The following NDUFAF7 variants were observed in gnomAD, a reference collection of about 807,000 sequenced individuals.
The protein encoded by NDUFAF7 is NADH:ubiquinone oxidoreductase complex assembly factor 7, also known as protein arginine methyltransferase NDUFAF7, mitochondrial.
A neutral mutation model predicts 47.2 loss-of-function variants in NDUFAF7; 48 were observed. The observed-to-expected ratio is 1.02, with a 90% CI of 0.81 to 1.29. The LOEUF (loss-of-function observed/expected upper bound fraction) is 1.29, where lower values mean the gene tolerates loss of function less well. NDUFAF7 is among the 50% of genes most tolerant of loss of function. NDUFAF7 has a pLI of 0.00. For synonymous variants in NDUFAF7, 217 were observed against 190.0 expected, an observed-to-expected ratio of 1.14 and a Z score of -1.17; for missense variants, 635 against 537.6, an observed-to-expected ratio of 1.18 and a Z score of -1.79.
At chr2:37,262,412 T>C in the NDUFAF7 span, among the ~76,000 whole-genome samples, 1 of 152,222 alleles carries the variant, frequency 6.6e-6, no homozygotes. Context: ...GTAGGTGTTT[T>C]CAAAAATGTT....
the NDUFAF7 span, among the ~76,000 whole-genome samples, chr2:37,260,937 G>C: frequency 1.3e-5 from 2 of 152,162 alleles, no homozygotes; most frequent in Non-Finnish European, 2.9e-5. Context: ...GATACACAAA[G>C]ATGAATGCCA....
At position 37,231,695 on chromosome 2, in the gene NDUFAF7, C is replaced by G. The variant is rs770930117; in HGVS notation, c.-11C>G. ...GCTCCTGGCGGAGCGAGCTAGCCTG[C>G]GAATTTCAGCATGAGTGTACTGCTG... On this transcript the variant is annotated 5_prime_UTR_variant, in exon 1 of 10. Transcript: ENST00000002125. 6.8e-6 allele frequency: 11 copies of G among 1,614,202 alleles called. No homozygotes were observed. The highest frequency in any genetic ancestry group is 9.3e-6 in the Non-Finnish European group (11 of 1,180,028).
chr2:37,238,794 A>G (rs976020290), intron 4 of NDUFAF7, among the ~76,000 whole-genome samples: 3 of 152,044 alleles, frequency 2.0e-5, no homozygotes, highest in Admixed American at 6.6e-5. Flanking sequence ...AGTTAGAATT[A>G]TTTAAATAAC....
chr2:37,245,177 G>A (rs932889505), intron 7 of NDUFAF7, among the ~76,000 whole-genome samples: 1 of 152,192 alleles, frequency 6.6e-6, no homozygotes, highest in Non-Finnish European at 1.5e-5. Flanking sequence ...TAAGTAACTT[G>A]TCTACCAGTA....
intron 7 of NDUFAF7, among the ~76,000 whole-genome samples, chr2:37,244,533 A>G (rs937136193): frequency 2.6e-5 from 4 of 151,858 alleles, no homozygotes; most frequent in African/African-American, 4.8e-5. Context: ...TCAAGGAATC[A>G]TTGCAAGAGC....
Position 37,248,249 on chromosome 2 carries a change from C to T in NDUFAF7, c.1225C>T (p.Pro409Ser), listed in dbSNP as rs1667131713. The T allele has an allele frequency of 1.2e-6, 2 of 1,613,844 alleles. No individual in the cohort carries two copies. The highest frequency in any genetic ancestry group is 2.7e-5 in the African/African-American group (2 of 74,884). Residue 409 changes from proline (P) to serine (S), a missense_variant, in exon 10 of 10, where the codon CCT (proline) becomes TCT (serine). Transcript: ENST00000002125. ...GAGATTTAACTTTTTTGCCTTGCTA[C>T]CTCATCAGAGACTTCAAGGTGGAAG... ...GERFNFFALL[P>S]HQRLQGGRYQ...
chr2:37,261,992 C>A, the NDUFAF7 span, among the ~76,000 whole-genome samples: 1 of 151,914 alleles, frequency 6.6e-6, no homozygotes, highest in African/African-American at 2.4e-5. Context: ...ATGATTTTGC[C>A]CAACTGTAGG....
At chr2:37,264,204 G>T in the NDUFAF7 span, among the ~76,000 whole-genome samples, 9 of 152,044 alleles carry the variant, frequency 5.9e-5, no homozygotes, top group African/African-American at 4.8e-5. Flanking sequence ...ACTGTATATA[G>T]ACATACATAA....
At chr2:37,255,568 G>C (rs890615489), downstream of NDUFAF7, among the ~76,000 whole-genome samples, 1 of 152,162 alleles carries the variant, frequency 6.6e-6, no homozygotes, top group Non-Finnish European at 1.5e-5. Context: ...AGGTCCACAG[G>C]AGAGAGGAAA....
At chr2:37,255,053 T>G (rs566888519), downstream of NDUFAF7, among the ~76,000 whole-genome samples, 37 of 152,362 alleles carry the variant, frequency 2.4e-4, 1 homozygote, top group South Asian at 6.2e-4. Flanking sequence ...GAAAGACTTG[T>G]ACCATCCTAG....
the NDUFAF7 span, among the ~76,000 whole-genome samples, chr2:37,265,284 T>C: frequency 1.1e-3 from 161 of 152,276 alleles, 2 homozygotes; most frequent in African/African-American, 3.2e-3. Context: ...TTCCAACCCA[T>C]GTGAAAAAGT....
chr2:37,238,949 A>G (rs1376086459), intron 4 of NDUFAF7, among the ~76,000 whole-genome samples: 4 of 151,516 alleles, frequency 2.6e-5, no homozygotes, highest in Non-Finnish European at 5.9e-5. Flanking sequence ...AGTCAGGAAG[A>G]TGAAAATTAA....
downstream of NDUFAF7, chr2:37,252,557 AATCAC>A (rs1667579965): frequency 2.0e-5 from 3 of 152,262 alleles, no homozygotes; most frequent in South Asian, 6.2e-4. Flanking sequence ...AAAGGTTAGG[AATCAC>A]TATTTTGGAG....
chr2:37,238,875 A>G (rs1420796385), intron 4 of NDUFAF7, among the ~76,000 whole-genome samples: 2 of 151,056 alleles, frequency 1.3e-5, no homozygotes, highest in East Asian at 1.9e-4. Flanking sequence ...GTCCATTCAT[A>G]AAAGAGGAAA....
Position 37,238,165 on chromosome 2 carries a change from C to T in NDUFAF7, c.408+298C>T, listed in dbSNP as rs145976995. Among the ~76,000 whole-genome samples, 12 of 152,236 alleles carry T rather than the reference C, an allele frequency of 7.9e-5. 1 individual carries two copies. The highest frequency in any genetic ancestry group is 1.9e-4 in the African/African-American group (8 of 41,546). On this transcript the variant is annotated intron_variant, in intron 4 of 9. Transcript: ENST00000002125. ...AATTATATTAAAAGTTTAGGCCAGGCATGGTGGCTCAATCCTAGCACTTTG... is the reference window on the plus strand; with the variant it reads ...AATTATATTAAAAGTTTAGGCCAGGTATGGTGGCTCAATCCTAGCACTTTG...
chr2:37,260,393 A>T, the NDUFAF7 span: 2 of 1,606,312 alleles, frequency 1.2e-6, no homozygotes, highest in South Asian at 2.2e-5. Context: ...TTCTGAAGAG[A>T]GGTTGCAAGA....
chr2:37,237,940 G>A (rs1211740324), intron 4 of NDUFAF7, 73 bp downstream of exon 4: 1 of 1,034,750 alleles, frequency 9.7e-7, no homozygotes, highest in Admixed American at 1.9e-5. Flanking sequence ...AAACCATGTT[G>A]ATTTCATTGG....
At position 37,248,225 on chromosome 2, in the gene NDUFAF7, A is replaced by G. The variant is rs376638836; in HGVS notation, c.1201A>G (p.Arg401Gly). The G allele has an allele frequency of 6.6e-5, 106 of 1,613,888 alleles. 1 individual carries two copies. The highest frequency in any genetic ancestry group is 6.0e-4 in the East Asian group (27 of 44,868). The change falls in exon 10 of 10, where the codon AGA becomes GGA. Residue 401 changes from arginine to glycine, a missense_variant. Transcript: ENST00000002125. ...MLMNPKKMGE[R>G]FNFFALLPHQ... Reference sequence around the variant, plus strand: ...AATGAATCCAAAGAAGATGGGAGAGAGATTTAACTTTTTTGCCTTGCTACC... The same window carrying G: ...AATGAATCCAAAGAAGATGGGAGAGGGATTTAACTTTTTTGCCTTGCTACC...
At chr2:37,246,030 C>T (rs374317361) in intron 7 of NDUFAF7, 22 bp from the exon 8 acceptor site, 2 of 1,612,948 alleles carry the variant, frequency 1.2e-6, no homozygotes, top group Non-Finnish European at 1.7e-6. Context: ...CATTTTGACT[C>T]TTGCAATGAT....
Sources: gnomAD v4.1 joint callset for allele counts (sites outside exome capture counted in the v4.1 genomes callset) on GRCh38, gnomAD v4.1.1 for gene constraint, MANE v1.5 for transcripts, NCBI Gene and HGNC (gene_info 2026-07-23, HGNC 2026-07-21) for gene names.